TG: variants seen among roughly 807,000 people sequenced by gnomAD.
TG encodes the protein thyroglobulin, also known as thyroid hormones.
Under a neutral mutation model 324.7 loss-of-function variants are expected in TG, and 270 were observed. The ratio of observed to expected loss-of-function variants is 0.83; its 90% CI spans 0.75 to 0.92. The LOEUF (loss-of-function observed/expected upper bound fraction) is 0.92. TG is among the 40% of genes least tolerant of loss of function. TG has a pLI of 0.00. For missense variants in TG, 3,591 were observed against 3,456.4 expected (o/e 1.04, Z -0.98); for synonymous variants, 1,401 against 1,327.0 (o/e 1.06, Z -1.21).
intron 41 of TG, among the ~76,000 whole-genome samples, chr8:133,092,740 A>G (rs1440924463): frequency 2.0e-5 from 3 of 151,666 alleles, no homozygotes. Context: ...CTGCACAGCA[A>G]CTCCCCTCCT....
At chr8:132,972,572 TTTTG>T (rs776305724) in intron 33 of TG, 22 bp from the exon 34 acceptor site, 323 of 1,566,638 alleles carry the variant, frequency 2.1e-4, no homozygotes, top group African/African-American at 5.6e-4. Flanking sequence ...GATTGTGGTT[TTTTG>T]TTTTTTTTTT....
rs542796140 is a variant in TG, at chr8:133,067,411, A to G, written c.7240-27633A>G. 9.2e-5 allele frequency among the ~76,000 whole-genome samples: 14 copies of G among 152,254 alleles called. No individual in the cohort carries two copies. The South Asian group carries it at 1.0e-3, about 11-fold the overall frequency. On this transcript the variant is annotated intron_variant, in intron 41 of 47. Transcript: ENST00000220616. ...AGGGCAGGCAGCCAGCTCAGAGAGG[A>G]CATGCAACTCCTAGCCTTCTTCTCA...
At chr8:132,927,490 G>A (rs1392904278) in intron 22 of TG, among the ~76,000 whole-genome samples, 1 of 152,164 alleles carries the variant, frequency 6.6e-6, no homozygotes, top group Non-Finnish European at 1.5e-5. Context: ...TTTGTAAATA[G>A]CCGTTAAGTA....
chr8:132,948,921 T>C lies in TG; in HGVS notation c.5379T>C (p.Leu1793=), dbSNP rs766082080. ...DQESHQVILR[L]GDQEFIKSLT... ...AGAGCCACCAGGTGATATTGCGTCT[T>C]GGAGACCAGGAGTTCATCAAGAGTA... Residue 1793 remains leucine (L), a synonymous_variant, in exon 27 of 48, where the codon CTT becomes CTC. Coordinates refer to ENST00000220616, the MANE Select transcript of TG (RefSeq NM_003235.5). The C allele has an allele frequency of 2.8e-5, 45 of 1,613,924 alleles. No homozygotes were observed. Among genetic ancestry groups the C allele is most frequent in the Non-Finnish European group, 3.6e-5 (43 of 1,180,012 alleles).
At chr8:133,014,360 C>G (rs1231700309) in intron 37 of TG, among the ~76,000 whole-genome samples, 1 of 152,158 alleles carries the variant, frequency 6.6e-6, no homozygotes, top group Non-Finnish European at 1.5e-5. Context: ...GGGCTCCAGG[C>G]AAGGCAAGAG....
chr8:132,999,443 T>G (rs1833232473), intron 35 of TG, among the ~76,000 whole-genome samples: 1 of 152,230 alleles, frequency 6.6e-6, no homozygotes, highest in Admixed American at 6.5e-5. Context: ...TGGCATCCCT[T>G]ATACTCCTCC....
At chr8:133,025,766 G>A (rs1170103419) in intron 40 of TG, among the ~76,000 whole-genome samples, 2 of 152,174 alleles carry the variant, frequency 1.3e-5, no homozygotes, top group Non-Finnish European at 2.9e-5. Flanking sequence ...GAAAATTGCA[G>A]TTCAGAACAT....
intron 41 of TG, among the ~76,000 whole-genome samples, chr8:133,074,363 C>T (rs60970828): frequency 0.024 from 3,674 of 152,262 alleles, 152 homozygotes; most frequent in African/African-American, 0.084. Context: ...AGCCTGATAG[C>T]GTTTACTGAG....
At chr8:133,042,676 G>GTTTT (rs1838483510) in intron 41 of TG, among the ~76,000 whole-genome samples, 8 of 55,568 alleles carry the variant, frequency 1.4e-4, no homozygotes, top group Non-Finnish European at 2.0e-4. Flanking sequence ...CTCATTCTGT[G>GTTTT]TCTTTTTTTT....
At chr8:132,983,028 A>G (rs943396059) in intron 34 of TG, among the ~76,000 whole-genome samples, 1 of 152,186 alleles carries the variant, frequency 6.6e-6, no homozygotes, top group Non-Finnish European at 1.5e-5. Context: ...CTGCATGGCA[A>G]TTATTGAAAC....
intron 45 of TG, among the ~76,000 whole-genome samples, chr8:133,127,789 C>T (rs936981566): frequency 6.6e-6 from 1 of 152,090 alleles, no homozygotes; most frequent in Non-Finnish European, 1.5e-5. Flanking sequence ...CCAGCTGCAC[C>T]AGCCCCCACC....
At chr8:133,048,066 C>T in intron 41 of TG, 1 of 602,828 alleles carries the variant, frequency 1.7e-6, no homozygotes, top group Non-Finnish European at 3.0e-6. Context: ...GAAGCATCAT[C>T]TCTCTTCCAC....
At chr8:133,017,726 C>G (rs781474307) in intron 37 of TG, 52 bp from the exon 38 acceptor site, 2 of 1,546,880 alleles carry the variant, frequency 1.3e-6, no homozygotes, top group South Asian at 1.1e-5. Flanking sequence ...GGAGAGAGCA[C>G]TCACTGAGGC....
chr8:132,939,310 TAATTACGGCATCA>T (rs1182773884), intron 25 of TG, among the ~76,000 whole-genome samples: 2 of 152,200 alleles, frequency 1.3e-5, no homozygotes, highest in Non-Finnish European at 2.9e-5. Flanking sequence ...CATAAGGCTA[TAATTACGGCATCA>T]AACACTGGAG....
chr8:132,877,437 G>A (rs1383314766), intron 5 of TG, among the ~76,000 whole-genome samples: 1 of 152,062 alleles, frequency 6.6e-6, no homozygotes, highest in Admixed American at 6.5e-5. Context: ...TGCCCGGTAC[G>A]GCCCGCTCTT....
chr8:132,927,069 A>G (rs560914551), intron 22 of TG, among the ~76,000 whole-genome samples: 94 of 152,308 alleles, frequency 6.2e-4, no homozygotes, highest in African/African-American at 2.2e-3. Context: ...TTGTCAACCT[A>G]TGCTGAAGAT....
intron 18 of TG, among the ~76,000 whole-genome samples, chr8:132,909,094 T>C (rs1051639449): frequency 6.6e-6 from 1 of 152,178 alleles, no homozygotes; most frequent in African/African-American, 2.4e-5. Context: ...TTATTCTGCA[T>C]GTGATGGGAC....
chr8:133,079,612 C>T (rs1042904935), intron 41 of TG, among the ~76,000 whole-genome samples: 1 of 152,138 alleles, frequency 6.6e-6, no homozygotes, highest in Non-Finnish European at 1.5e-5. Context: ...GATGTTGCAG[C>T]CCCATGCTGG....
At chr8:132,883,177 A>G in intron 8 of TG, 178 bp downstream of exon 8, 1 of 664,944 alleles carries the variant, frequency 1.5e-6, no homozygotes, top group Non-Finnish European at 2.5e-6. Context: ...CATGTTTCTC[A>G]TCTTGTGTCA....
Sources: gnomAD v4.1 joint callset for allele counts (sites outside exome capture counted in the v4.1 genomes callset) on GRCh38, gnomAD v4.1.1 for gene constraint, MANE v1.5 for transcripts, NCBI Gene and HGNC (gene_info 2026-07-23, HGNC 2026-07-21) for gene names.